Variants in SZT2 observed in about 807,000 individuals in gnomAD.
The protein encoded by SZT2 is KICSTOR complex protein SZT2.
A neutral mutation model predicts 404.2 loss-of-function variants in SZT2; 216 were observed. That is an observed-to-expected ratio of 0.53 (90% CI 0.48 to 0.60). The LOEUF (loss-of-function observed/expected upper bound fraction) is 0.60. SZT2 is among the 20% of genes least tolerant of loss of function. The pLI is 0.00. For missense variants in SZT2, 3,857 were observed against 4,459.2 expected (o/e 0.86, Z 3.85); for synonymous variants, 1,693 against 1,749.9 (o/e 0.97, Z 0.81).
At chr1:43,417,670 A>G (rs1201929716) in intron 7 of SZT2, among the ~76,000 whole-genome samples, 1 of 152,212 alleles carries the variant, frequency 6.6e-6, no homozygotes. Context: ...ATGCATTTAA[A>G]GTATGTAGCA....
intron 51 of SZT2, among the ~76,000 whole-genome samples, 192 bp downstream of exon 51, chr1:43,440,240 G>A (rs766313931): frequency 1.3e-5 from 2 of 152,198 alleles, no homozygotes; most frequent in Admixed American, 6.5e-5. Context: ...AGCAGTGAAC[G>A]GATGCAGCTG....
Position 43,453,690 on chromosome 1 carries a change from A to G in SZT2, c.*3210A>G. 1 of 1,452,050 alleles carries G rather than the reference A, an allele frequency of 6.9e-7. No individual in the cohort carries two copies. The highest frequency in any genetic ancestry group is 1.4e-5 in the South Asian group (1 of 73,512). 89.9% of individuals were successfully genotyped at this position (1,452,050 alleles called of 1,614,324 possible). On this transcript the variant is annotated 3_prime_UTR_variant, in exon 72 of 72. Transcript: ENST00000634258. ...CTCCGCGTACGGCCAGGCCACCTCG[A>G]CGGCCTCGAAGCCCGAGCTGCCCGC...
chr1:43,416,586 G>A lies in SZT2; in HGVS notation c.824G>A (p.Cys275Tyr). Residue 275 changes from cysteine to tyrosine, a missense_variant, in exon 7 of 72, where the codon TGT (cysteine) becomes TAT (tyrosine). Transcript: ENST00000634258. ...ACCAGTGTACCTGATGTTGCTGTCT[G>A]TGAGACACTGCTGAACCAGCTTCGC... ...GVTSVPDVAV[C>Y]ETLLNQLRSG... 1 of 1,598,364 alleles carries A rather than the reference G, an allele frequency of 6.3e-7. No individual in the cohort carries two copies. Among genetic ancestry groups the A allele is most frequent in the Non-Finnish European group, 8.5e-7 (1 of 1,179,794 alleles).
intron 4 of SZT2, chr1:43,412,563 C>T (rs1212470085): frequency 6.6e-6 from 1 of 152,202 alleles, no homozygotes; most frequent in Non-Finnish European, 1.5e-5. Flanking sequence ...TGGGATTACA[C>T]ATGTGAACCA....
Position 43,452,306 on chromosome 1 carries a change from C to A in SZT2, c.*1826C>A. 1 of 1,613,830 alleles carries A rather than the reference C, an allele frequency of 6.2e-7. No homozygotes were observed. Among genetic ancestry groups the A allele is most frequent in the Non-Finnish European group, 8.5e-7 (1 of 1,179,858 alleles). On this transcript the variant is annotated 3_prime_UTR_variant, in exon 72 of 72. Coordinates refer to ENST00000634258, the MANE Select transcript of SZT2 (RefSeq NM_001365999.1). ...TCAGCTCCCTGGGGTACTCGGCCAG[C>A]CATCAGGTGGATCCTGTGGGGAAGA...
At chr1:43,443,150 C>T (rs889473939) in intron 59 of SZT2, 38 bp from the exon 60 acceptor site, 6 of 1,613,838 alleles carry the variant, frequency 3.7e-6, no homozygotes, top group Non-Finnish European at 4.2e-6. Context: ...AAGGGAGTGA[C>T]AATGCCTGGG....
rs1299271427 is a variant in SZT2 at position 43,433,013 on chromosome 1, C to T, written c.5627C>T (p.Ser1876Leu). ...GGTTATGATGGTGGCAGCAGTGGCT[C>T]AGACAGTGAGGGTCCCAATGACACC... ...HLGYDGGSSG[S>L]DSEGPNDTLG... Residue 1876 changes from serine (S) to leucine (L), a missense_variant, in exon 40 of 72, where the codon TCA becomes TTA. By Grantham distance (145) the Ser-to-Leu change is moderately radical. Around this residue, in one of 7 missense-constraint regions of SZT2, gnomAD observed 1,725 missense variants for 1,881.0 expected, o/e 0.92. Coordinates refer to ENST00000634258, the MANE Select transcript of SZT2 (RefSeq NM_001365999.1). The T allele has an allele frequency of 6.2e-7, 1 of 1,614,118 alleles. No homozygotes were observed.
At chr1:43,390,566 G>T (rs1648171566) in intron 1 of SZT2, among the ~76,000 whole-genome samples, 1 of 152,194 alleles carries the variant, frequency 6.6e-6, no homozygotes, top group African/African-American at 2.4e-5. Flanking sequence ...GTCTTATAGT[G>T]TGTTGTGAGA....
chr1:43,448,036 T>G lies in SZT2; in HGVS notation c.9564-43T>G, dbSNP rs780259669. The stretch of plus-strand genomic sequence containing the variant: ...CCTGCCCCACCCTGCCCTGTGTGTC[T>G]CTTGCTACAACCACCACTCTCCTGC... On this transcript the variant is annotated intron_variant, in intron 68 of 71. Coordinates refer to ENST00000634258, the MANE Select transcript of SZT2 (RefSeq NM_001365999.1). This position sits in a 1 kb window ranked among gnomAD's most constrained non-coding sequence, Gnocchi z 4.2. 1 of 1,609,192 alleles carries G rather than the reference T, an allele frequency of 6.2e-7. No individual in the cohort carries two copies. Among genetic ancestry groups the G allele is most frequent in the East Asian group, 2.2e-5 (1 of 44,752 alleles).
intron 1 of SZT2, among the ~76,000 whole-genome samples, chr1:43,398,702 G>A (rs142007485): frequency 5.3e-5 from 8 of 152,310 alleles, no homozygotes; most frequent in African/African-American, 1.9e-4. Flanking sequence ...GGAGCATGGC[G>A]ATAAGAGTGT....
rs971835547 is a variant in SZT2, at chr1:43,425,357, G to C, written c.2646-117G>C. The C allele has an allele frequency of 9.9e-6, 15 of 1,519,400 alleles. 1 individual carries two copies. Among genetic ancestry groups the C allele is most frequent in the Middle Eastern group, 1.8e-4 (1 of 5,706 alleles). 94.1% of individuals were successfully genotyped at this position (1,519,400 alleles called of 1,614,324 possible). On this transcript the variant is annotated intron_variant, in intron 18 of 71. Transcript: ENST00000634258. The surrounding 1 kb of genome is among the most constrained non-coding windows in gnomAD (Gnocchi z 4.3). ...TTAGATGCTTCATCAGGCAGACGCT[G>C]GTCTGGGAAGGCCTTGTATGACTCG...
intron 4 of SZT2, among the ~76,000 whole-genome samples, chr1:43,409,331 T>C (rs1650722730): frequency 6.6e-6 from 1 of 152,102 alleles, no homozygotes; most frequent in Non-Finnish European, 1.5e-5. Context: ...AGGAGTTATC[T>C]GCTGAGGGTA....
rs757854993 is a variant in SZT2 at position 43,429,836 on chromosome 1, G to A, written c.4300G>A (p.Val1434Ile). The A allele has an allele frequency of 1.5e-5, 24 of 1,614,000 alleles. No homozygotes were observed. The East Asian group carries it at 3.1e-4, about 21-fold the overall frequency. ...RGEAHGALHS[V>I]IQEKFLEISR... ...AGAGGCCCATGGTGCCCTTCATAGC[G>A]TCATCCAGGTGGGAAGCTTGGGTGA... The change falls in exon 29 of 72, where the codon GTC becomes ATC. Residue 1434 changes from valine to isoleucine, a missense_variant. Around this residue, in one of 7 missense-constraint regions of SZT2, gnomAD observed 1,725 missense variants for 1,881.0 expected, o/e 0.92. Coordinates refer to ENST00000634258, the MANE Select transcript of SZT2 (RefSeq NM_001365999.1).
rs755510077 is a variant in SZT2 at position 43,440,512 on chromosome 1, C to CCCCCTG, written c.7277_7282dup (p.Ala2426_Pro2427dup). 15 of 1,608,264 alleles carry CCCCCTG rather than the reference C, an allele frequency of 9.3e-6. No homozygotes were observed. The Admixed American group carries it at 2.5e-4, about 27-fold the overall frequency. ...CTCTGCAGGCCGAGCTAGCACCTTTCCCCCTGCCCCTGTCCCTGGGGAGCC... is the reference window on the plus strand; with the variant it reads ...CTCTGCAGGCCGAGCTAGCACCTTTCCCCCTGCCCCTGCCCCTGTCCCTGGGGAGCC... On this transcript the variant is annotated inframe_insertion, in exon 52 of 72. Coordinates refer to ENST00000634258, the MANE Select transcript of SZT2 (RefSeq NM_001365999.1).
Position 43,424,510 on chromosome 1 carries a change from T to C in SZT2, c.2471+78T>C, listed in dbSNP as rs1570641608. 1 of 1,392,000 alleles carries C rather than the reference T, an allele frequency of 7.2e-7. No individual in the cohort carries two copies. The highest frequency in any genetic ancestry group is 9.9e-7 in the Non-Finnish European group (1 of 1,005,510). The allele number at this position is 1,392,000 out of a possible 1,614,324, so 86.2% of individuals were successfully genotyped here. On this transcript the variant is annotated intron_variant, in intron 16 of 71. Coordinates refer to ENST00000634258, the MANE Select transcript of SZT2 (RefSeq NM_001365999.1). This position sits in a 1 kb window ranked among gnomAD's most constrained non-coding sequence, Gnocchi z 4.1. Reference sequence around the variant, plus strand: ...GACTGGGACACTAGCAAAAAGCCTATAGCACACACTTCTCCTCTCTAATTC... The same window carrying C: ...GACTGGGACACTAGCAAAAAGCCTACAGCACACACTTCTCCTCTCTAATTC...
In SZT2 at chr1:43,427,356, G is replaced by A; in HGVS notation, c.3509G>A (p.Ser1170Asn). 2 of 1,614,102 alleles carry A rather than the reference G, an allele frequency of 1.2e-6. No homozygotes were observed. Among genetic ancestry groups the A allele is most frequent in the Non-Finnish European group, 1.7e-6 (2 of 1,180,020 alleles). Residue 1170 changes from serine to asparagine, a missense_variant, in exon 25 of 72, where the codon AGT becomes AAT. Physicochemically the swap from Ser to Asn is conservative, Grantham distance 46. Coordinates refer to ENST00000634258, the MANE Select transcript of SZT2 (RefSeq NM_001365999.1). ...EETKPKFGDW[S>N]GAPSLKDLGG... ...ACAAAGCCTAAGTTTGGGGATTGGA[G>A]TGGGGCTCCCAGTCTGAAAGATCTA... is the stretch of plus-strand genomic sequence containing the variant.
rs370083674 is a variant in SZT2, at chr1:43,446,871, T to C, written c.9073-84T>C. 399 of 1,414,296 alleles carry C rather than the reference T, an allele frequency of 2.8e-4. 5 individuals are homozygous for C. The South Asian group carries it at 4.7e-3, about 17-fold the overall frequency. The allele number at this position is 1,414,296 out of a possible 1,614,324, so 87.6% of individuals were successfully genotyped here. A position where few individuals can be genotyped will look rare whatever the true frequency, so the allele number is the denominator to read the frequency against. Reference sequence around the variant, plus strand: ...CACAGCAGCAGGGGAAATCTTGTGCTTCTTCCCACGGAAGGAGGGAAATGT... The same window carrying C: ...CACAGCAGCAGGGGAAATCTTGTGCCTCTTCCCACGGAAGGAGGGAAATGT... On this transcript the variant is annotated intron_variant, in intron 65 of 71. Transcript: ENST00000634258.
chr1:43,449,803 G>A, intron 70 of SZT2: 2 of 499,460 alleles, frequency 4.0e-6, no homozygotes, highest in East Asian at 7.3e-5. Context: ...CAGGAGGCAA[G>A]GAGGTTGTGC....
Position 43,424,588 on chromosome 1 carries a change from T to TCA in SZT2, c.2471+158_2471+159dup, listed in dbSNP as rs1259675610. On this transcript the variant is annotated intron_variant, in intron 16 of 71. Transcript: ENST00000634258. The surrounding 1 kb of genome is among the most constrained non-coding windows in gnomAD (Gnocchi z 4.1). ...CTACTGCCCTCCCTGTCTCCTCCCA[T>TCA]CACCCGATTTGTTTTGTCCTCTCTC... 4.6e-5 allele frequency among the ~76,000 whole-genome samples: 7 copies of TCA among 152,196 alleles called. No individual in the cohort carries two copies. Among genetic ancestry groups the TCA allele is most frequent in the Admixed American group, 4.6e-4 (7 of 15,288 alleles).
Sources: gnomAD v4.1 joint callset for allele counts (sites outside exome capture counted in the v4.1 genomes callset) on GRCh38, gnomAD v4.1.1 for gene constraint, gnomAD v4.1.1 regional missense constraint, Gnocchi (gnomAD v3.1) non-coding constraint, MANE v1.5 for transcripts, NCBI Gene and HGNC (gene_info 2026-07-23, HGNC 2026-07-21) for gene names.